NCAM2: variants seen among roughly 807,000 people sequenced by gnomAD.
NCAM2 encodes neural cell adhesion molecule 2, also known as N-CAM-2.
A neutral mutation model predicts 98.1 loss-of-function variants in NCAM2; 30 were observed. The observed-to-expected ratio is 0.31, with a 90% confidence interval of 0.23 to 0.41. The LOEUF is 0.41. Among genes scored for constraint, NCAM2 ranks in the 10% least tolerant of loss-of-function variants. The pLI, the probability that NCAM2 is intolerant of heterozygous loss-of-function variation, is 1.00. For missense variants in NCAM2, 867 were observed against 1,005.8 expected, an observed-to-expected ratio of 0.86 and a Z score of 1.87; for synonymous variants, 368 against 342.4, an observed-to-expected ratio of 1.07 and a Z score of -0.83.
chr21:21,362,569 TAAG>T (rs758089522), intron 8 of NCAM2, among the ~76,000 whole-genome samples: 1 of 152,062 alleles, frequency 6.6e-6, no homozygotes, highest in Non-Finnish European at 1.5e-5. Context: ...ATCCTACTCT[TAAG>T]ATCAATTAAT....
At position 21,068,770 on chromosome 21, in the gene NCAM2, C is replaced by G. The variant is rs73895322; in HGVS notation, c.55+70152C>G. On this transcript the variant is annotated intron_variant, in intron 1 of 17. Coordinates refer to ENST00000400546, the MANE Select transcript of NCAM2 (RefSeq NM_004540.5). Reference sequence around the variant, plus strand: ...AATGACTTATCGTTATTACGCTCCTCTTTTGTATTATTATCTGCGTAACGG... The same window carrying G: ...AATGACTTATCGTTATTACGCTCCTGTTTTGTATTATTATCTGCGTAACGG... Among the ~76,000 whole-genome samples the G allele has an allele frequency of 7.4e-3, 1,124 of 152,262 alleles. 19 individuals carry two copies. Among genetic ancestry groups the G allele is most frequent in the African/African-American group, 0.026 (1,079 of 41,532 alleles).
chr21:21,201,192 T>C (rs1395527616), intron 1 of NCAM2, among the ~76,000 whole-genome samples: 1 of 152,204 alleles, frequency 6.6e-6, no homozygotes, highest in African/African-American at 2.4e-5. Context: ...ATTTTATTGA[T>C]TATTAGGAAA....
chr21:21,068,823 A>G (rs193285154), intron 1 of NCAM2, among the ~76,000 whole-genome samples: 1 of 152,222 alleles, frequency 6.6e-6, no homozygotes, highest in Admixed American at 6.5e-5. Context: ...CAAGTTGTTA[A>G]TATTCCAGTT....
chr21:21,295,992 T>C (rs888281677), intron 5 of NCAM2, among the ~76,000 whole-genome samples: 2 of 151,826 alleles, frequency 1.3e-5, no homozygotes, highest in African/African-American at 4.8e-5. Flanking sequence ...GTATTGAAAA[T>C]TTAGCTGAAG....
intron 12 of NCAM2, among the ~76,000 whole-genome samples, chr21:21,445,534 A>G (rs1337462491): frequency 6.6e-6 from 1 of 152,140 alleles, no homozygotes; most frequent in Non-Finnish European, 1.5e-5. Context: ...GGATGCATAT[A>G]TATTTAGCAT....
In NCAM2 at chr21:21,477,524, T is replaced by A. The variant is rs993435818; in HGVS notation, c.2077+53T>A. 6.0e-6 allele frequency: 8 copies of A among 1,328,042 alleles called. No individual in the cohort carries two copies. The African/African-American group carries it at 1.2e-4, about 20-fold the overall frequency. The allele number at this position is 1,328,042 out of a possible 1,614,324, so 82.3% of individuals were successfully genotyped here. A position where few individuals can be genotyped will look rare whatever the true frequency, so the allele number is the denominator to read the frequency against. On this transcript the variant is annotated intron_variant, in intron 15 of 17. Transcript: ENST00000400546. ...CTGAACAATAAATATGATACCACCT[T>A]TTTATAACCCTTACTGACTTTTCTT... is the stretch of plus-strand genomic sequence containing the variant.
intron 1 of NCAM2, among the ~76,000 whole-genome samples, chr21:21,110,545 A>G (rs1470897379): frequency 6.6e-6 from 1 of 151,564 alleles, no homozygotes; most frequent in Non-Finnish European, 1.5e-5. Context: ...TCTAGGGTAT[A>G]CCAGATTAAT....
intron 10 of NCAM2, among the ~76,000 whole-genome samples, chr21:21,415,398 C>T (rs990609321): frequency 3.0e-5 from 4 of 133,142 alleles, no homozygotes; most frequent in African/African-American, 5.7e-5. Context: ...TGTAGTGGCG[C>T]GATCTCGGCT....
At chr21:21,202,431 T>TTTC (rs397804458) in intron 1 of NCAM2, among the ~76,000 whole-genome samples, 2 of 146,832 alleles carry the variant, frequency 1.4e-5, no homozygotes, top group African/African-American at 2.6e-5. Context: ...TTTTTTTTTT[T>TTTC]CTGAGGCGGA....
At chr21:21,347,690 C>G (rs1409323410) in intron 8 of NCAM2, among the ~76,000 whole-genome samples, 1 of 151,788 alleles carries the variant, frequency 6.6e-6, no homozygotes, top group African/African-American at 2.4e-5. Flanking sequence ...AACAAAGACA[C>G]ATAAAAAAAG....
chr21:21,530,132 G>A (rs58786761), intron 16 of NCAM2, among the ~76,000 whole-genome samples: 28,687 of 112,988 alleles, frequency 0.25, 4,714 homozygotes, highest in Admixed American at 0.31. Flanking sequence ...AATTATATAT[G>A]ATTTAATTTA....
chr21:21,540,281 A>G lies in NCAM2; in HGVS notation c.*2324A>G, dbSNP rs1190790083. ...TATATATATACACATATATATATAT[A>G]CACATATATATACATATATATATAT... is the stretch of plus-strand genomic sequence containing the variant. On this transcript the variant is annotated 3_prime_UTR_variant, in exon 18 of 18. Transcript: ENST00000400546. The G allele has an allele frequency of 1.7e-5, 2 of 116,360 alleles. No homozygotes were observed. Among genetic ancestry groups the G allele is most frequent in the Non-Finnish European group, 3.7e-5 (2 of 53,746 alleles). 7.2% of individuals were successfully genotyped at this position (116,360 alleles called of 1,614,324 possible).
intron 1 of NCAM2, chr21:21,210,592 T>A (rs2069612943): frequency 7.8e-7 from 1 of 1,289,078 alleles, no homozygotes; most frequent in Non-Finnish European, 1.0e-6. Context: ...AGGACAAGTT[T>A]ACCTTGATTA....
chr21:21,125,071 A>G (rs938371920), intron 1 of NCAM2, among the ~76,000 whole-genome samples: 3 of 152,046 alleles, frequency 2.0e-5, no homozygotes, highest in Non-Finnish European at 2.9e-5. Flanking sequence ...ACTATTACCT[A>G]TATTCTGTAG....
At chr21:21,401,209 T>G (rs2076622617) in intron 9 of NCAM2, among the ~76,000 whole-genome samples, 1 of 152,198 alleles carries the variant, frequency 6.6e-6, no homozygotes, top group South Asian at 2.1e-4. Flanking sequence ...CTCCAGACCT[T>G]TTTAATTTAG....
intron 1 of NCAM2, among the ~76,000 whole-genome samples, chr21:21,191,134 A>C (rs970248506): frequency 3.3e-5 from 5 of 152,274 alleles, no homozygotes; most frequent in East Asian, 1.9e-4. Flanking sequence ...AATGAATGAT[A>C]GTTTATAGAG....
chr21:21,074,023 C>T (rs1446874675), intron 1 of NCAM2, among the ~76,000 whole-genome samples: 1 of 152,090 alleles, frequency 6.6e-6, no homozygotes, highest in Non-Finnish European at 1.5e-5. Context: ...ACACAGTGCT[C>T]TTGGTAGTTC....
intron 12 of NCAM2, among the ~76,000 whole-genome samples, chr21:21,452,933 A>G (rs1407593462): frequency 1.0e-5 from 1 of 98,282 alleles, no homozygotes; most frequent in Non-Finnish European, 1.8e-5. Context: ...TATATAATAT[A>G]TATAATATAA....
At chr21:21,041,887 C>A (rs1418940323) in intron 1 of NCAM2, among the ~76,000 whole-genome samples, 3 of 152,060 alleles carry the variant, frequency 2.0e-5, no homozygotes, top group Non-Finnish European at 4.4e-5. Context: ...ATTCCATATA[C>A]CTGGTATATC....
Sources: gnomAD v4.1 joint callset for allele counts (sites outside exome capture counted in the v4.1 genomes callset) on GRCh38, gnomAD v4.1.1 for gene constraint, MANE v1.5 for transcripts, NCBI Gene and HGNC (gene_info 2026-07-23, HGNC 2026-07-21) for gene names.